The following CPS1 variants were observed in gnomAD, a reference collection of about 807,000 sequenced individuals.
CPS1 encodes the protein carbamoyl-phosphate synthase 1.
A neutral mutation model predicts 174.6 loss-of-function variants in CPS1; 109 were observed. The observed-to-expected ratio is 0.62, with a 90% CI of 0.53 to 0.73. The LOEUF (loss-of-function observed/expected upper bound fraction) is 0.73, where lower values mean the gene tolerates loss of function less well. Among genes scored for constraint, CPS1 ranks in the 30% least tolerant of loss-of-function variants. The probability of loss-of-function intolerance (pLI) is 0.00; values close to 1 mark genes in which losing one functional copy is unlikely to be tolerated. For missense variants in CPS1, 1,689 were observed against 1,821.9 expected, an observed-to-expected ratio of 0.93 and a Z score of 1.33; for synonymous variants, 637 against 632.0, an observed-to-expected ratio of 1.01 and a Z score of -0.12.
At chr2:210,629,850 A>G (rs1699810715) in intron 21 of CPS1, among the ~76,000 whole-genome samples, 1 of 148,970 alleles carries the variant, frequency 6.7e-6, no homozygotes, top group African/African-American at 2.5e-5. Flanking sequence ...GGAGATCGAG[A>G]CCATCCTGGC....
Position 210,564,566 on chromosome 2 carries a change from C to T in CPS1, c.126+7707C>T, listed in dbSNP as rs1243556241. 3.9e-5 allele frequency among the ~76,000 whole-genome samples: 6 copies of T among 152,026 alleles called. No homozygotes were observed. In the South Asian group the frequency reaches 1.0e-3, roughly 26 times the overall value. On this transcript the variant is annotated intron_variant, in intron 1 of 37. Transcript: ENST00000233072. ...AATTTTTTTGTATTTTTAGTAGAGA[C>T]GGGGTTTCACCGTGTTAGCCAGGAT...
intron 14 of CPS1, 130 bp downstream of exon 14, chr2:210,599,691 G>A (rs1698640729): frequency 3.1e-6 from 3 of 952,918 alleles, no homozygotes; most frequent in Non-Finnish European, 4.9e-6. Flanking sequence ...TGAGAAAGCA[G>A]TTAGCAAACA....
At chr2:210,597,831 T>TATATATATATATATATATATATATAC (rs1208001280) in intron 13 of CPS1, among the ~76,000 whole-genome samples, 15 of 151,230 alleles carry the variant, frequency 9.9e-5, no homozygotes, top group African/African-American at 3.4e-4. Context: ...TTCATATATA[T>TATATATATATATATATATATATATAC]ACACACACAC....
chr2:210,498,067 C>T (rs1695046393), intron 1 of CPS1, among the ~76,000 whole-genome samples: 1 of 151,562 alleles, frequency 6.6e-6, no homozygotes, highest in Non-Finnish European at 1.5e-5. Flanking sequence ...TTCACAGCCT[C>T]GCCAGCATCG....
At chr2:210,504,316 G>A (rs2105966340) in intron 1 of CPS1, among the ~76,000 whole-genome samples, 1 of 152,126 alleles carries the variant, frequency 6.6e-6, no homozygotes, top group South Asian at 2.1e-4. Context: ...CACAAACAAT[G>A]CAAAATAAAC....
intron 1 of CPS1, among the ~76,000 whole-genome samples, chr2:210,505,933 G>C (rs1053821795): frequency 2.4e-4 from 35 of 144,710 alleles, no homozygotes; most frequent in African/African-American, 7.5e-4. Context: ...AGGAGGCATG[G>C]CTGCCTCTGT....
intron 20 of CPS1, among the ~76,000 whole-genome samples, chr2:210,615,804 A>G (rs1409276918): frequency 6.6e-6 from 1 of 152,048 alleles, no homozygotes; most frequent in Non-Finnish European, 1.5e-5. Flanking sequence ...TTTGGAATAT[A>G]TTAGGATTTT....
At chr2:210,669,642 A>G (rs1001610524) in intron 34 of CPS1, among the ~76,000 whole-genome samples, 3 of 152,172 alleles carry the variant, frequency 2.0e-5, no homozygotes, top group Non-Finnish European at 4.4e-5. Flanking sequence ...ACGACGGTGA[A>G]TAGTTAGAGC....
rs6717187 is a variant in CPS1 at position 210,582,274 on chromosome 2, C to G, written c.529-343C>G. Reference sequence around the variant, plus strand: ...TTTGTCCATTTCTCTCATGAAATGTCTTTAGGTCATATACGCTGAGTAGTG... The same window carrying G: ...TTTGTCCATTTCTCTCATGAAATGTGTTTAGGTCATATACGCTGAGTAGTG... On this transcript the variant is annotated intron_variant, in intron 5 of 37. Coordinates refer to ENST00000233072, the MANE Select transcript of CPS1 (RefSeq NM_001875.5). 6.9e-3 allele frequency among the ~76,000 whole-genome samples: 1,051 copies of G among 152,008 alleles called. 8 individuals are homozygous for G. The highest frequency in any genetic ancestry group is 0.023 in the African/African-American group (971 of 41,456).
Position 210,663,158 on chromosome 2 carries a change from T to C in CPS1, c.3963T>C (p.Ala1321=). ...PMFSWPRLRD[A]DPILRCEMAS... is the part of the protein sequence containing the mutation. ...TTTCCTGGCCCCGGTTGAGGGATGC[T>C]GACCCCATTCTGAGATGTGAGATGG... Residue 1321 remains alanine (A), a synonymous_variant, in exon 33 of 38, where the codon GCT becomes GCC. Transcript: ENST00000233072. 6.2e-7 allele frequency: 1 copy of C among 1,614,012 alleles called. No individual in the cohort carries two copies. The highest frequency in any genetic ancestry group is 1.1e-5 in the South Asian group (1 of 91,070).
intron 18 of CPS1, among the ~76,000 whole-genome samples, chr2:210,608,141 CAG>C (rs1297563896): frequency 6.6e-6 from 1 of 151,778 alleles, no homozygotes; most frequent in Admixed American, 6.6e-5. Context: ...ATGTAGTGCA[CAG>C]AGAGTAAATT....
At chr2:210,543,890 C>T (rs939341039) in intron 1 of CPS1, among the ~76,000 whole-genome samples, 3 of 152,078 alleles carry the variant, frequency 2.0e-5, no homozygotes, top group Non-Finnish European at 4.4e-5. Context: ...GAAAGAATCA[C>T]TTCCCCCCCT....
Position 210,590,241 on chromosome 2 carries a change from T to G in CPS1, c.840+7T>G. On this transcript the variant is annotated splice_region_variant and intron_variant, in intron 8 of 37. Transcript: ENST00000233072. The stretch of plus-strand genomic sequence containing the variant: ...AATTCAGAATGTCAGAAAGGTGCAA[T>G]GAACCTTGAATTCATGTGTATCTGT... 1 of 1,612,514 alleles carries G rather than the reference T, an allele frequency of 6.2e-7. No individual in the cohort carries two copies. The highest frequency in any genetic ancestry group is 2.2e-5 in the East Asian group (1 of 44,814).
rs938456474 is a variant in CPS1 at position 210,596,160 on chromosome 2, G to A, written c.1359+578G>A. Among the ~76,000 whole-genome samples, 7 of 151,972 alleles carry A rather than the reference G, an allele frequency of 4.6e-5. 1 individual carries two copies. Among genetic ancestry groups the A allele is most frequent in the African/African-American group, 1.7e-4 (7 of 41,416 alleles). On this transcript the variant is annotated intron_variant, in intron 13 of 37. Coordinates refer to ENST00000233072, the MANE Select transcript of CPS1 (RefSeq NM_001875.5). ...AAAAAAGATTTGATACACAGGTGTG[G>A]AAGGACATCCTTCCTGTTTCTTTAA...
At chr2:210,501,007 C>A (rs113933790) in intron 1 of CPS1, among the ~76,000 whole-genome samples, 5 of 152,288 alleles carry the variant, frequency 3.3e-5, no homozygotes, top group African/African-American at 1.2e-4. Flanking sequence ...CTTGACTTCT[C>A]TGCACCCACA....
At chr2:210,630,180 C>T (rs1438475103) in intron 21 of CPS1, among the ~76,000 whole-genome samples, 1 of 151,480 alleles carries the variant, frequency 6.6e-6, no homozygotes, top group Non-Finnish European at 1.5e-5. Context: ...CGTTTTTCTT[C>T]ATCATTATTC....
intron 1 of CPS1, among the ~76,000 whole-genome samples, chr2:210,503,544 C>A (rs755729823): frequency 2.0e-5 from 3 of 152,094 alleles, no homozygotes; most frequent in Non-Finnish European, 2.9e-5. Context: ...TTTATCTTTT[C>A]CCTTTTCTTG....
chr2:210,481,127 G>A (rs1694558781), intron 1 of CPS1, among the ~76,000 whole-genome samples: 1 of 152,184 alleles, frequency 6.6e-6, no homozygotes, highest in Admixed American at 6.5e-5. Context: ...ACACAGGTGT[G>A]CTGGGGTTTC....
chr2:210,576,258 G>T, intron 2 of CPS1, 88 bp from the exon 3 acceptor site: 2 of 1,373,640 alleles, frequency 1.5e-6, no homozygotes, highest in African/African-American at 1.4e-5. Flanking sequence ...TCATTTTCAA[G>T]GGTTAAATAA....
Sources: allele counts gnomAD v4.1 joint callset (sites outside exome capture counted in the v4.1 genomes callset), GRCh38; gene constraint gnomAD v4.1.1; transcripts MANE v1.5; gene names NCBI Gene and HGNC (gene_info 2026-07-23, HGNC 2026-07-21).